ATP2A2: variants seen among roughly 807,000 people sequenced by gnomAD.
The protein encoded by ATP2A2 is sarcoplasmic/endoplasmic reticulum calcium ATPase 2.
Under a neutral mutation model 109.3 loss-of-function variants are expected in ATP2A2, and 14 were observed. The ratio of observed to expected loss-of-function variants is 0.13; its 90% confidence interval spans 0.08 to 0.20. The LOEUF (loss-of-function observed/expected upper bound fraction) is 0.20. Among genes scored for constraint, ATP2A2 ranks in the 10% least tolerant of loss-of-function variants. The pLI, the probability that ATP2A2 is intolerant of heterozygous loss-of-function variation, is 1.00. For synonymous variants in ATP2A2, 506 were observed against 490.9 expected (o/e 1.03, Z -0.41); for missense variants, 657 against 1,321.6 (o/e 0.50, Z 7.80).
chr12:110,349,958 C>T lies in ATP2A2; in HGVS notation c.*3488C>T. 1 of 1,236,952 alleles carries T rather than the reference C, an allele frequency of 8.1e-7. No homozygotes were observed. Among genetic ancestry groups the T allele is most frequent in the Non-Finnish European group, 1.0e-6 (1 of 978,898 alleles). The allele number at this position is 1,236,952 out of a possible 1,614,324, so 76.6% of individuals were successfully genotyped here. On this transcript the variant is annotated 3_prime_UTR_variant, in exon 20 of 20. Coordinates refer to ENST00000539276, the MANE Select transcript of ATP2A2 (RefSeq NM_170665.4). Reference sequence around the variant, plus strand: ...ACTTCTCCATCAACCTCACCCTCTGCACCACTAACCAAGACCTTGTCCTCT... The same window carrying T: ...ACTTCTCCATCAACCTCACCCTCTGTACCACTAACCAAGACCTTGTCCTCT...
At position 110,345,320 on chromosome 12, in the gene ATP2A2, A is replaced by C; in HGVS notation, c.2679A>C (p.Pro893=). The part of the protein sequence containing the change: ...EGVDCAIFES[P]YPMTMALSVL... ...TGGATTGTGCAATCTTTGAATCCCC[A>C]TACCCGATGACAATGGCGCTCTCTG... The change falls in exon 18 of 20, where the codon CCA becomes CCC. Residue 893 remains proline (P), a synonymous_variant. Coordinates refer to ENST00000539276, the MANE Select transcript of ATP2A2 (RefSeq NM_170665.4). The C allele has an allele frequency of 6.2e-7, 1 of 1,614,198 alleles. No individual in the cohort carries two copies. The highest frequency in any genetic ancestry group is 8.5e-7 in the Non-Finnish European group (1 of 1,180,022).
Position 110,347,625 on chromosome 12 carries a change from A to T in ATP2A2, c.*1155A>T. 2.5e-6 allele frequency: 3 copies of T among 1,206,296 alleles called. No homozygotes were observed. The highest frequency in any genetic ancestry group is 3.2e-6 in the Non-Finnish European group (3 of 948,414). The allele number at this position is 1,206,296 out of a possible 1,614,324, so 74.7% of individuals were successfully genotyped here. A position where few individuals can be genotyped will look rare whatever the true frequency, so the allele number is the denominator to read the frequency against. On this transcript the variant is annotated 3_prime_UTR_variant, in exon 20 of 20. Transcript: ENST00000539276. ...GTAAATAGCACATGACCAAATGAAC[A>T]TATTGTATAGAACTATTTTTATTTG... is the stretch of plus-strand genomic sequence containing the variant.
intron 5 of ATP2A2, among the ~76,000 whole-genome samples, chr12:110,309,973 T>C (rs1389173431): frequency 2.0e-5 from 3 of 151,918 alleles, no homozygotes; most frequent in African/African-American, 7.2e-5. Context: ...TAATTCTACA[T>C]TATCTTAAGG....
chr12:110,330,420 TG>T (rs1368505119), intron 8 of ATP2A2: 1 of 152,228 alleles, frequency 6.6e-6, no homozygotes, highest in East Asian at 1.9e-4. Flanking sequence ...TCTTATTTTT[TG>T]GAACCAAAAG....
At chr12:110,332,330 T>G in intron 8 of ATP2A2, 1 of 457,868 alleles carries the variant, frequency 2.2e-6, no homozygotes, top group Non-Finnish European at 4.0e-6. Flanking sequence ...CCACTGCTGC[T>G]CATTCATTCA....
At chr12:110,280,969 G>A (rs1871973507), upstream of ATP2A2, 1 of 152,178 alleles carries the variant, frequency 6.6e-6, no homozygotes, top group Non-Finnish European at 1.5e-5. Context: ...CTGCAGGTGG[G>A]TGGGTCAGAG....
In ATP2A2 at chr12:110,347,125, C is replaced by A. The variant is rs1328202242; in HGVS notation, c.*655C>A. 3.4e-6 allele frequency: 4 copies of A among 1,168,336 alleles called. No individual in the cohort carries two copies. The highest frequency in any genetic ancestry group is 4.3e-6 in the Non-Finnish European group (4 of 934,078). 72.4% of individuals were successfully genotyped at this position (1,168,336 alleles called of 1,614,324 possible). Reference sequence around the variant, plus strand: ...TACATCAGTTTTAACGAGAGGTATGCCTGTACTCGCTTGTGCAGAAAACAT... The same window carrying A: ...TACATCAGTTTTAACGAGAGGTATGACTGTACTCGCTTGTGCAGAAAACAT... On this transcript the variant is annotated 3_prime_UTR_variant, in exon 20 of 20. Coordinates refer to ENST00000539276, the MANE Select transcript of ATP2A2 (RefSeq NM_170665.4).
chr12:110,314,094 C>T lies in ATP2A2; in HGVS notation c.464-8898C>T, dbSNP rs543380034. On this transcript the variant is annotated intron_variant, in intron 5 of 19. Coordinates refer to ENST00000539276, the MANE Select transcript of ATP2A2 (RefSeq NM_170665.4). ...CCTGTAATCCCAGCACTTTGGAGGC[C>T]GAGGCGGGCAGATCACCTGAGGTCA... 4.0e-5 allele frequency among the ~76,000 whole-genome samples: 6 copies of T among 151,750 alleles called. No individual in the cohort carries two copies. The South Asian group carries it at 8.3e-4, about 21-fold the overall frequency.
intron 5 of ATP2A2, among the ~76,000 whole-genome samples, chr12:110,317,767 TG>T (rs1213312367): frequency 6.6e-6 from 1 of 152,234 alleles, no homozygotes; most frequent in Middle Eastern, 3.2e-3. Context: ...AACGTTTGCA[TG>T]GAGTTCTAAA....
At chr12:110,288,770 TGTATAA>T (rs562355351) in intron 3 of ATP2A2, among the ~76,000 whole-genome samples, 3 of 152,234 alleles carry the variant, frequency 2.0e-5, no homozygotes, top group African/African-American at 7.2e-5. Context: ...CCCAGTTCCT[TGTATAA>T]GTATACTTTG....
In ATP2A2 at chr12:110,323,113, T is replaced by C. The variant is rs777629505; in HGVS notation, c.544+41T>C. 8.2e-6 allele frequency: 12 copies of C among 1,467,198 alleles called. No individual in the cohort carries two copies. In the Admixed American group the frequency reaches 1.3e-4, roughly 16 times the overall value. 90.9% of individuals were successfully genotyped at this position (1,467,198 alleles called of 1,614,324 possible). A position where few individuals can be genotyped will look rare whatever the true frequency, so the allele number is the denominator to read the frequency against. ...TAAGTCATTGAATTTCTGAAGACCT[T>C]CGCATATTCCATGCCAATAGAGTTG... On this transcript the variant is annotated intron_variant, in intron 6 of 19. Coordinates refer to ENST00000539276, the MANE Select transcript of ATP2A2 (RefSeq NM_170665.4).
At position 110,347,806 on chromosome 12, in the gene ATP2A2, C is replaced by A. The variant is rs1880023246; in HGVS notation, c.*1336C>A. The stretch of plus-strand genomic sequence containing the variant: ...CATCAACTAACGTGAGTATTTTCTT[C>A]CTGGGATTTGGATGCTTTAGCCTAA... On this transcript the variant is annotated 3_prime_UTR_variant, in exon 20 of 20. Coordinates refer to ENST00000539276, the MANE Select transcript of ATP2A2 (RefSeq NM_170665.4). 1 of 1,046,834 alleles carries A rather than the reference C, an allele frequency of 9.6e-7. No homozygotes were observed. The highest frequency in any genetic ancestry group is 1.2e-6 in the Non-Finnish European group (1 of 866,394). The allele number at this position is 1,046,834 out of a possible 1,614,324, so 64.8% of individuals were successfully genotyped here.
chr12:110,342,079 C>CA lies in ATP2A2; in HGVS notation c.2098-147dup, dbSNP rs959570068. 27 of 888,176 alleles carry CA rather than the reference C, an allele frequency of 3.0e-5. No homozygotes were observed. In the African/African-American group the frequency reaches 4.3e-4, roughly 14 times the overall value. 55.0% of individuals were successfully genotyped at this position (888,176 alleles called of 1,614,324 possible). On this transcript the variant is annotated intron_variant, in intron 14 of 19. Transcript: ENST00000539276. The surrounding 1 kb of genome is among the most constrained non-coding windows in gnomAD (Gnocchi z 4.6). Reference sequence around the variant, plus strand: ...CTAGGTAAAATGTGTTTTGTGACACCAACTTATGAAACAAAAATTCTAAAA... The same window carrying CA: ...CTAGGTAAAATGTGTTTTGTGACACCAAACTTATGAAACAAAAATTCTAAAA...
intron 5 of ATP2A2, among the ~76,000 whole-genome samples, chr12:110,302,920 G>A (rs375837656): frequency 1.6e-4 from 24 of 152,260 alleles, no homozygotes; most frequent in Middle Eastern, 6.8e-3. Context: ...GTTAAGCCCA[G>A]CTGTGTGAGA....
intron 5 of ATP2A2, among the ~76,000 whole-genome samples, chr12:110,312,666 A>G (rs1263971774): frequency 2.0e-5 from 3 of 152,014 alleles, no homozygotes; most frequent in Non-Finnish European, 4.4e-5. Flanking sequence ...CCTGGCCAAC[A>G]CTGTGAAATC....
intron 8 of ATP2A2, chr12:110,330,731 T>G (rs933552664): frequency 6.6e-6 from 1 of 152,232 alleles, no homozygotes; most frequent in African/African-American, 2.4e-5. Context: ...AAGCTCTACC[T>G]CACAACAGGA....
At chr12:110,304,103 T>C (rs986543304) in intron 5 of ATP2A2, among the ~76,000 whole-genome samples, 3 of 150,590 alleles carry the variant, frequency 2.0e-5, no homozygotes, top group East Asian at 3.8e-4. Flanking sequence ...TGGCTTTCTC[T>C]TAGCATAGTG....
intron 5 of ATP2A2, among the ~76,000 whole-genome samples, chr12:110,306,228 A>G (rs942949671): frequency 2.0e-4 from 30 of 152,126 alleles, no homozygotes; most frequent in Non-Finnish European, 2.1e-4. Flanking sequence ...TTTAGTAGAG[A>G]CAGGGTTTCA....
At chr12:110,318,249 C>CG (rs1876874964) in intron 5 of ATP2A2, among the ~76,000 whole-genome samples, 1 of 152,182 alleles carries the variant, frequency 6.6e-6, no homozygotes, top group Non-Finnish European at 1.5e-5. Context: ...CCTTTTAACT[C>CG]TAAGAACCTG....
Sources: gnomAD v4.1 joint callset for allele counts (sites outside exome capture counted in the v4.1 genomes callset) on GRCh38, gnomAD v4.1.1 for gene constraint, Gnocchi (gnomAD v3.1) non-coding constraint, MANE v1.5 for transcripts, NCBI Gene and HGNC (gene_info 2026-07-23, HGNC 2026-07-21) for gene names.